Variants in NTAQ1 observed in about 807,000 individuals in gnomAD.
NTAQ1 encodes the protein N-terminal glutamine amidase 1.
Under a neutral mutation model 28.2 loss-of-function variants are expected in NTAQ1, and 21 were observed. The ratio of observed to expected loss-of-function variants is 0.74; its 90% CI spans 0.53 to 1.07. The LOEUF is 1.07. Ranked by LOEUF, NTAQ1 falls within the 50% of genes least tolerant of loss-of-function variation. The probability of loss-of-function intolerance (pLI) is 0.00; values close to 1 mark genes in which losing one functional copy is unlikely to be tolerated. For missense variants in NTAQ1, 264 were observed against 256.6 expected (o/e 1.03, Z -0.20); for synonymous variants, 105 against 90.0 (o/e 1.17, Z -0.94).
rs1287915055 is a variant in NTAQ1, at chr8:123,427,992, A to G, written c.152A>G (p.Tyr51Cys). 1.9e-6 allele frequency: 3 copies of G among 1,611,184 alleles called. No homozygotes were observed. Among genetic ancestry groups the G allele is most frequent in the African/African-American group, 2.7e-5 (2 of 74,780 alleles). The change falls in exon 2 of 6, where the codon TAT (tyrosine) becomes TGT (cysteine). Residue 51 changes from tyrosine (Y) to cysteine (C), a missense_variant. Coordinates refer to ENST00000287387, the MANE Select transcript of NTAQ1 (RefSeq NM_018024.3). ...NHDQYPLEECYAVFISNERKM... is the reference protein window; with the variant it reads ...NHDQYPLEECCAVFISNERKM... ...GACCAGTATCCTTTAGAAGAATGTT[A>G]TGCTGTCTTCATATCTAATGAGAGG...
intron 1 of NTAQ1, among the ~76,000 whole-genome samples, chr8:123,420,203 T>C (rs1813593904): frequency 6.6e-6 from 1 of 152,172 alleles, no homozygotes; most frequent in African/African-American, 2.4e-5. Context: ...ACTTGGGATA[T>C]TGGCCTCCAG....
chr8:123,461,881 G>A (rs917697290), intron 6 of NTAQ1, among the ~76,000 whole-genome samples: 1 of 152,126 alleles, frequency 6.6e-6, no homozygotes, highest in Non-Finnish European at 1.5e-5. Flanking sequence ...GACTTGCTTT[G>A]GAGGAGGCTA....
intron 1 of NTAQ1, among the ~76,000 whole-genome samples, chr8:123,423,316 T>TC (rs985148110): frequency 1.5e-5 from 2 of 137,798 alleles, no homozygotes; most frequent in African/African-American, 2.6e-5. Flanking sequence ...TCTTCTCTTC[T>TC]TTTTTCTTTC....
At chr8:123,460,842 G>T (rs3779987) in intron 6 of NTAQ1, among the ~76,000 whole-genome samples, 75,159 of 151,894 alleles carry the variant, frequency 0.49, 19,833 homozygotes, top group Non-Finnish European at 0.59. Flanking sequence ...TTGGCTGAAC[G>T]TTGCAAAGGA....
chr8:123,458,580 T>G (rs955661779), intron 6 of NTAQ1, among the ~76,000 whole-genome samples: 8 of 151,968 alleles, frequency 5.3e-5, no homozygotes, highest in Non-Finnish European at 7.4e-5. Flanking sequence ...AGAGAAAACC[T>G]TTTTAGCAGA....
intron 4 of NTAQ1, 77 bp downstream of exon 4, chr8:123,436,678 TGACAATTG>T: frequency 6.8e-7 from 1 of 1,475,134 alleles, no homozygotes; most frequent in Non-Finnish European, 9.2e-7. Flanking sequence ...TTTTTTTTTT[TGACAATTG>T]TTTTGTAAAG....
chr8:123,435,146 C>T (rs1278536285), intron 3 of NTAQ1, among the ~76,000 whole-genome samples: 1 of 152,120 alleles, frequency 6.6e-6, no homozygotes, highest in Non-Finnish European at 1.5e-5. Context: ...TCTATGAGAG[C>T]GTTTTTCTTT....
At chr8:123,444,924 G>T (rs1815214178), downstream of NTAQ1, among the ~76,000 whole-genome samples, 1 of 152,204 alleles carries the variant, frequency 6.6e-6, no homozygotes, top group South Asian at 2.1e-4. Context: ...TCCCAGCTCA[G>T]TAGAACTGGC....
rs1277830306 is a variant in NTAQ1 at position 123,432,826 on chromosome 8, A to G, written c.234+2793A>G. Among the ~76,000 whole-genome samples, 5 of 151,892 alleles carry G rather than the reference A, an allele frequency of 3.3e-5. No homozygotes were observed. The East Asian group carries it at 9.8e-4, about 30-fold the overall frequency. On this transcript the variant is annotated intron_variant, in intron 3 of 5. Transcript: ENST00000287387. Reference sequence around the variant, plus strand: ...CTCCCGAGTAGCTGGAATTACAGGCATGTGGCACACGCCTGGCTAATTTTT... The same window carrying G: ...CTCCCGAGTAGCTGGAATTACAGGCGTGTGGCACACGCCTGGCTAATTTTT...
At chr8:123,470,475 G>C (rs1816030610), downstream of NTAQ1, among the ~76,000 whole-genome samples, 1 of 152,234 alleles carries the variant, frequency 6.6e-6, no homozygotes, top group South Asian at 2.1e-4. Flanking sequence ...GAAGGAGTCA[G>C]TGTCCCAAAG....
At position 123,418,775 on chromosome 8, in the gene NTAQ1, A is replaced by G. The variant is rs182947748; in HGVS notation, c.83+1843A>G. On this transcript the variant is annotated intron_variant, in intron 1 of 5. Coordinates refer to ENST00000287387, the MANE Select transcript of NTAQ1 (RefSeq NM_018024.3). ...AGAGCAGTCTTGTAGAAGAATGGTA[A>G]GAGATGACCACTCTACCACAGAGTT... Among the ~76,000 whole-genome samples, 9 of 152,304 alleles carry G rather than the reference A, an allele frequency of 5.9e-5. No homozygotes were observed. The East Asian group carries it at 9.7e-4, about 16-fold the overall frequency.
chr8:123,454,386 G>A (rs1441994896), intron 6 of NTAQ1, among the ~76,000 whole-genome samples: 2 of 142,192 alleles, frequency 1.4e-5, no homozygotes, highest in African/African-American at 5.1e-5. Flanking sequence ...TGTTTTTTTT[G>A]AGAGGGAGTT....
downstream of NTAQ1, among the ~76,000 whole-genome samples, chr8:123,445,485 T>C (rs1483820923): frequency 6.6e-6 from 1 of 152,068 alleles, no homozygotes; most frequent in African/African-American, 2.4e-5. Flanking sequence ...ATATGGTCCA[T>C]AATTTAACAG....
chr8:123,418,737 G>A (rs190605121), intron 1 of NTAQ1, among the ~76,000 whole-genome samples: 3 of 152,320 alleles, frequency 2.0e-5, no homozygotes, highest in East Asian at 1.9e-4. Context: ...GGTACAACTG[G>A]AGTATTGGAG....
intron 6 of NTAQ1, among the ~76,000 whole-genome samples, chr8:123,458,196 A>AG (rs1677331476): frequency 1.4e-5 from 2 of 145,896 alleles, no homozygotes; most frequent in South Asian, 4.4e-4. Flanking sequence ...TTGGCCTCCC[A>AG]AAGTGCTGGG....
chr8:123,439,370 T>C (rs1262103449), intron 5 of NTAQ1, among the ~76,000 whole-genome samples: 1 of 139,516 alleles, frequency 7.2e-6, no homozygotes, highest in Non-Finnish European at 1.5e-5. Flanking sequence ...TGAGACGGAG[T>C]CTCACTCTGT....
At chr8:123,459,793 C>T (rs1815764360) in intron 6 of NTAQ1, among the ~76,000 whole-genome samples, 1 of 146,894 alleles carries the variant, frequency 6.8e-6, no homozygotes, top group Non-Finnish European at 1.5e-5. Context: ...GACCAATATA[C>T]ATCATTCTTT....
At chr8:123,421,826 C>T (rs574254895) in intron 1 of NTAQ1, among the ~76,000 whole-genome samples, 12 of 150,134 alleles carry the variant, frequency 8.0e-5, no homozygotes, top group Admixed American at 7.4e-4. Context: ...GTAGCTGGGG[C>T]TGCAGGTGTC....
At chr8:123,428,227 C>T (rs1390176519) in intron 2 of NTAQ1, among the ~76,000 whole-genome samples, 1 of 151,958 alleles carries the variant, frequency 6.6e-6, no homozygotes, top group African/African-American at 2.4e-5. Flanking sequence ...AGTTGAGTCC[C>T]TTCTGTCGCC....
Sources: gnomAD v4.1 joint callset for allele counts (sites outside exome capture counted in the v4.1 genomes callset) on GRCh38, gnomAD v4.1.1 for gene constraint, MANE v1.5 for transcripts, NCBI Gene and HGNC (gene_info 2026-07-23, HGNC 2026-07-21) for gene names.